Variants in GJC1 observed in about 807,000 individuals in gnomAD.
GJC1 encodes the protein gap junction protein gamma 1.
In GJC1, 5 loss-of-function variants were observed where a neutral mutation model predicts 29.3. The ratio of observed to expected loss-of-function variants is 0.17; its 90% confidence interval spans 0.09 to 0.36. The LOEUF (loss-of-function observed/expected upper bound fraction) is 0.36. Among genes scored for constraint, GJC1 ranks in the 10% least tolerant of loss-of-function variants. GJC1 has a pLI of 1.00. For missense variants in GJC1, 310 were observed against 496.2 expected, an observed-to-expected ratio of 0.62 and a Z score of 3.56; for synonymous variants, 177 against 183.3, an observed-to-expected ratio of 0.97 and a Z score of 0.28.
intron 1 of GJC1, among the ~76,000 whole-genome samples, chr17:44,819,346 G>A (rs1273354481): frequency 1.3e-5 from 2 of 152,104 alleles, no homozygotes; most frequent in African/African-American, 2.4e-5. Context: ...GTTTATCCAC[G>A]TTATACCATG....
At chr17:44,814,536 C>T (rs1330705971) in intron 1 of GJC1, among the ~76,000 whole-genome samples, 1 of 152,080 alleles carries the variant, frequency 6.6e-6, no homozygotes, top group Admixed American at 6.6e-5. Flanking sequence ...AGGATTCACT[C>T]ACTCACACAC....
At chr17:44,808,905 A>G (rs1205392614) in intron 1 of GJC1, among the ~76,000 whole-genome samples, 2 of 152,036 alleles carry the variant, frequency 1.3e-5, no homozygotes, top group Non-Finnish European at 2.9e-5. Context: ...TGGACTGACC[A>G]ACTAACTAAA....
chr17:44,797,716 A>G (rs1336911413), downstream of GJC1: 1 of 152,242 alleles, frequency 6.6e-6, no homozygotes. Context: ...TGTGTAGCAA[A>G]GAAAACAGAT....
chr17:44,812,141 G>A (rs779467309), intron 1 of GJC1, among the ~76,000 whole-genome samples: 9 of 151,680 alleles, frequency 5.9e-5, no homozygotes, highest in African/African-American at 1.2e-4. Flanking sequence ...GATGAAACCC[G>A]CCCCTACTAA....
chr17:44,822,224 A>G (rs558267690), intron 1 of GJC1, among the ~76,000 whole-genome samples: 1 of 146,166 alleles, frequency 6.8e-6, no homozygotes, highest in East Asian at 2.0e-4. Context: ...AAAAAAAAAG[A>G]AACATATATA....
intron 1 of GJC1, among the ~76,000 whole-genome samples, chr17:44,825,779 G>GA (rs34179777): frequency 1.4e-3 from 185 of 129,700 alleles, no homozygotes; most frequent in Middle Eastern, 0.012. Flanking sequence ...AGTCTCAAAA[G>GA]AAAAAAAAAA....
At chr17:44,831,284 T>A (rs1884301832), upstream of GJC1, among the ~76,000 whole-genome samples, 3 of 152,218 alleles carry the variant, frequency 2.0e-5, no homozygotes, top group Admixed American at 2.0e-4. Context: ...ATGAATTAGT[T>A]ACCAAAATAT....
intron 1 of GJC1, among the ~76,000 whole-genome samples, chr17:44,826,110 TG>T (rs1371232684): frequency 6.6e-6 from 1 of 152,042 alleles, no homozygotes; most frequent in Non-Finnish European, 1.5e-5. Context: ...TTAGTAGAAA[TG>T]GGATTTCACC....
upstream of GJC1, chr17:44,830,533 C>G: frequency 2.5e-6 from 1 of 397,616 alleles, no homozygotes; most frequent in Middle Eastern, 6.3e-4. The surrounding 1 kb of genome is among the most constrained non-coding windows in gnomAD (Gnocchi z 4.3). Flanking sequence ...GCAGACTTCG[C>G]TCCGGACAGT....
Position 44,805,632 on chromosome 17 carries a change from A to G in GJC1, c.186T>C (p.Asn62=). 6.2e-7 allele frequency: 1 copy of G among 1,614,216 alleles called. No homozygotes were observed. Among genetic ancestry groups the G allele is most frequent in the Non-Finnish European group, 8.5e-7 (1 of 1,180,036 alleles). The stretch of plus-strand genomic sequence containing the variant: ...GAGGTGCAAACGCATCATAACAGAC[A>G]TTCTCACAGCCCGGCTGTTCTGTGT... The part of the protein sequence containing the change: ...VCNTEQPGCE[N]VCYDAFAPLS... The change falls in exon 3 of 3, where the codon AAT becomes AAC. Residue 62 remains asparagine, a synonymous_variant. Coordinates refer to ENST00000592524, the MANE Select transcript of GJC1 (RefSeq NM_005497.4). The surrounding 1 kb of genome is among the most constrained non-coding windows in gnomAD (Gnocchi z 5.1).
chr17:44,808,991 T>C (rs1173505012), intron 1 of GJC1, among the ~76,000 whole-genome samples: 1 of 152,126 alleles, frequency 6.6e-6, no homozygotes, highest in Non-Finnish European at 1.5e-5. Flanking sequence ...GGAGAATTGC[T>C]TGAACCTGGG....
intron 1 of GJC1, among the ~76,000 whole-genome samples, chr17:44,825,567 G>C (rs562617395): frequency 2.3e-4 from 35 of 152,206 alleles, no homozygotes; most frequent in African/African-American, 6.3e-4. Context: ...CTGAGGTCAG[G>C]AGTTCGAGAC....
downstream of GJC1, among the ~76,000 whole-genome samples, chr17:44,796,036 T>C (rs1435364537): frequency 6.6e-6 from 1 of 152,176 alleles, no homozygotes; most frequent in Non-Finnish European, 1.5e-5. Context: ...CCAAACTCCA[T>C]GTCATTCTGC....
intron 1 of GJC1, among the ~76,000 whole-genome samples, chr17:44,824,100 C>T (rs552427717): frequency 2.6e-5 from 4 of 152,114 alleles, no homozygotes; most frequent in South Asian, 2.1e-4. Flanking sequence ...CTCCACCTCC[C>T]GGGTTCAAGC....
rs35299072 is a variant in GJC1 at position 44,813,484 on chromosome 17, CTTTTTTTTT to C, written c.-96-6024_-96-6016del. On this transcript the variant is annotated intron_variant, in intron 1 of 2. Coordinates refer to ENST00000592524, the MANE Select transcript of GJC1 (RefSeq NM_005497.4). ...TTCCCTTTCCTCTCCTTCCAAGTTA[CTTTTTTTTT>C]TTTTTTTTTTTTTTTTGAGACAAGA... 1.1e-3 allele frequency among the ~76,000 whole-genome samples: 90 copies of C among 80,530 alleles called. 2 individuals are homozygous for C. Among genetic ancestry groups the C allele is most frequent in the African/African-American group, 3.6e-3 (73 of 20,090 alleles). 52.8% of individuals were successfully genotyped at this position (80,530 alleles called of 152,430 possible). A position where few individuals can be genotyped will look rare whatever the true frequency, so the allele number is the denominator to read the frequency against.
At chr17:44,811,291 G>C (rs953562226) in intron 1 of GJC1, among the ~76,000 whole-genome samples, 3 of 151,346 alleles carry the variant, frequency 2.0e-5, no homozygotes, top group Non-Finnish European at 2.9e-5. Flanking sequence ...ATGTTGGTCA[G>C]GCTGGTCTCC....
At chr17:44,819,634 G>A (rs1323807675) in intron 1 of GJC1, among the ~76,000 whole-genome samples, 3 of 151,034 alleles carry the variant, frequency 2.0e-5, no homozygotes, top group Non-Finnish European at 4.4e-5. Flanking sequence ...CTCCAGCCTG[G>A]GCGACAGAGC....
At position 44,800,282 on chromosome 17, in the gene GJC1, G is replaced by A. The variant is rs2049827668; in HGVS notation, c.*4345C>T. ...CACCACCACGCCCGGCTAATTTTTGGTATTTTTAGTAGAGACGGGGTTTCA... is the reference window on the plus strand; with the variant it reads ...CACCACCACGCCCGGCTAATTTTTGATATTTTTAGTAGAGACGGGGTTTCA... On this transcript the variant is annotated 3_prime_UTR_variant, in exon 3 of 3. Transcript: ENST00000592524. The A allele has an allele frequency of 6.6e-6, 1 of 151,936 alleles. No individual in the cohort carries two copies. The highest frequency in any genetic ancestry group is 2.4e-5 in the African/African-American group (1 of 41,368). The allele number at this position is 151,936 out of a possible 1,614,324, so 9.4% of individuals were successfully genotyped here.
Position 44,800,855 on chromosome 17 carries a change from G to C in GJC1, c.*3772C>G, listed in dbSNP as rs779297909. The C allele has an allele frequency of 1.4e-4, 19 of 140,508 alleles. No individual in the cohort carries two copies. Among genetic ancestry groups the C allele is most frequent in the Non-Finnish European group, 2.9e-4 (19 of 65,702 alleles). 8.7% of individuals were successfully genotyped at this position (140,508 alleles called of 1,614,324 possible). ...GAGATGTACATGGCTCCTGAAACTTGAAAACAAAGCCACAAAATGAACATT... is the reference window on the plus strand; with the variant it reads ...GAGATGTACATGGCTCCTGAAACTTCAAAACAAAGCCACAAAATGAACATT... On this transcript the variant is annotated 3_prime_UTR_variant, in exon 3 of 3. Transcript: ENST00000592524.
Sources: gnomAD v4.1 joint callset for allele counts (sites outside exome capture counted in the v4.1 genomes callset) on GRCh38, gnomAD v4.1.1 for gene constraint, Gnocchi (gnomAD v3.1) non-coding constraint, MANE v1.5 for transcripts, NCBI Gene and HGNC (gene_info 2026-07-23, HGNC 2026-07-21) for gene names.